MGST1: variants seen among roughly 807,000 people sequenced by gnomAD.
MGST1 encodes the protein microsomal glutathione S-transferase 1.
A neutral mutation model predicts 8.9 loss-of-function variants in MGST1; 5 were observed. The observed-to-expected ratio is 0.56, with a 90% CI of 0.29 to 1.19. The LOEUF (loss-of-function observed/expected upper bound fraction) is 1.19, where lower values mean the gene tolerates loss of function less well. Among genes scored for constraint, MGST1 ranks in the 50% most tolerant of loss-of-function variants. MGST1 has a pLI of 0.08. For missense variants in MGST1, 182 were observed against 187.4 expected, an observed-to-expected ratio of 0.97 and a Z score of 0.17; for synonymous variants, 54 against 67.8, an observed-to-expected ratio of 0.80 and a Z score of 1.00.
At chr12:16,431,891 A>G (rs1940942345) in intron 1 of MGST1, among the ~76,000 whole-genome samples, 1 of 152,182 alleles carries the variant, frequency 6.6e-6, no homozygotes, top group African/African-American at 2.4e-5. Flanking sequence ...AGTGCAATAA[A>G]ACAGGTATAC....
chr12:16,349,900 A>G (rs1465804754), intron 1 of MGST1, among the ~76,000 whole-genome samples: 1 of 151,890 alleles, frequency 6.6e-6, no homozygotes, highest in East Asian at 1.9e-4. Context: ...ACCTGCCACC[A>G]CGCCCAGCTA....
intron 1 of MGST1, among the ~76,000 whole-genome samples, chr12:16,415,566 A>G (rs1477823841): frequency 6.6e-6 from 1 of 152,222 alleles, no homozygotes; most frequent in Admixed American, 6.5e-5. Context: ...GATAGGAAAT[A>G]TATTTTCTCT....
intron 4 of MGST1, among the ~76,000 whole-genome samples, chr12:16,469,131 T>G (rs1298185774): frequency 6.6e-6 from 1 of 151,844 alleles, no homozygotes; most frequent in Non-Finnish European, 1.5e-5. Flanking sequence ...TTGTTACTGC[T>G]GCTGGGCTAG....
rs189022787 is a variant in MGST1, at chr12:16,522,018, C to T, written n.483-67510C>T. ...AGCTCCGACTTCTGAACATTTTTCCCCAATTATTTTTGTAAAGTATTGATC... is the reference window on the plus strand; with the variant it reads ...AGCTCCGACTTCTGAACATTTTTCCTCAATTATTTTTGTAAAGTATTGATC... On this transcript the variant is annotated intron_variant and non_coding_transcript_variant, in intron 4 of 4. Transcript: ENST00000538857. Among the ~76,000 whole-genome samples, 87 of 152,184 alleles carry T rather than the reference C, an allele frequency of 5.7e-4. 1 individual carries two copies. The highest frequency in any genetic ancestry group is 3.4e-3 in the Middle Eastern group (1 of 294).
downstream of MGST1, among the ~76,000 whole-genome samples, chr12:16,378,489 C>G (rs954138673): frequency 7.9e-5 from 12 of 152,232 alleles, no homozygotes; most frequent in Admixed American, 7.8e-4. Context: ...GGGCTCTGTT[C>G]TGTTCCATTG....
At chr12:16,573,020 T>G (rs923353097) in intron 4 of MGST1, among the ~76,000 whole-genome samples, 1 of 151,972 alleles carries the variant, frequency 6.6e-6, no homozygotes, top group African/African-American at 2.4e-5. Context: ...TCTTAAAATT[T>G]TCCTGTTTTT....
At chr12:16,446,402 ACC>A (rs1941079917) in intron 4 of MGST1, among the ~76,000 whole-genome samples, 1 of 151,904 alleles carries the variant, frequency 6.6e-6, no homozygotes, top group Admixed American at 6.6e-5. Flanking sequence ...TGGAGAAATG[ACC>A]ATGACTTTTT....
chr12:16,518,007 T>G (rs1468142819), intron 4 of MGST1, among the ~76,000 whole-genome samples: 1 of 152,232 alleles, frequency 6.6e-6, no homozygotes, highest in Non-Finnish European at 1.5e-5. Flanking sequence ...GTGGTCACAC[T>G]GAGGTCTTCA....
intron 1 of MGST1, among the ~76,000 whole-genome samples, chr12:16,428,997 C>T (rs1940916661): frequency 6.6e-6 from 1 of 151,938 alleles, no homozygotes; most frequent in Non-Finnish European, 1.5e-5. Context: ...AGTTCCACAT[C>T]GTTGTGTACA....
At chr12:16,504,513 C>T (rs1941524591) in intron 4 of MGST1, among the ~76,000 whole-genome samples, 1 of 152,056 alleles carries the variant, frequency 6.6e-6, no homozygotes, top group African/African-American at 2.4e-5. Flanking sequence ...TTCCAGTAAA[C>T]TTCTACCCTT....
At chr12:16,502,984 G>A (rs1366192931) in intron 4 of MGST1, among the ~76,000 whole-genome samples, 3 of 152,174 alleles carry the variant, frequency 2.0e-5, no homozygotes, top group Admixed American at 6.5e-5. Context: ...AACCACTGGT[G>A]TTAGCTCTAG....
At chr12:16,408,482 C>A (rs539105863) in intron 1 of MGST1, among the ~76,000 whole-genome samples, 1 of 152,258 alleles carries the variant, frequency 6.6e-6, no homozygotes, top group East Asian at 1.9e-4. Flanking sequence ...AACTAGTATT[C>A]TATTATCTTC....
At chr12:16,493,975 C>T (rs1247215228) in intron 4 of MGST1, among the ~76,000 whole-genome samples, 1 of 152,122 alleles carries the variant, frequency 6.6e-6, no homozygotes, top group African/African-American at 2.4e-5. Context: ...CTAAATATCT[C>T]TGCCTTTGAT....
rs140081533 is a variant in MGST1 at position 16,357,082 on chromosome 12, T to G, written c.127-523T>G. On this transcript the variant is annotated intron_variant, in intron 2 of 3. Transcript: ENST00000396210. ...TGGTTTTTGTTCAAGTTCTTATTTA[T>G]GCTTCTCTTTTTACAACTTTGCATT... Among the ~76,000 whole-genome samples, 343 of 152,366 alleles carry G rather than the reference T, an allele frequency of 2.3e-3. 1 individual carries two copies. The highest frequency in any genetic ancestry group is 7.9e-3 in the African/African-American group (328 of 41,578).
At chr12:16,464,829 C>A (rs1037405302) in intron 4 of MGST1, among the ~76,000 whole-genome samples, 3 of 152,188 alleles carry the variant, frequency 2.0e-5, no homozygotes, top group African/African-American at 4.8e-5. Flanking sequence ...ATGTAACAAG[C>A]TTAAATAAAT....
rs1941838698 is a variant in MGST1, at chr12:16,547,423, TTGAGA to T, written n.483-42103_483-42099del. ...ATAATTCTCTGAACACATTGATTACTTGAGATATTTTCTGGGGCTTTCATATCAAT... is the reference window on the plus strand; with the variant it reads ...ATAATTCTCTGAACACATTGATTACTTATTTTCTGGGGCTTTCATATCAAT... On this transcript the variant is annotated intron_variant and non_coding_transcript_variant, in intron 4 of 4. Transcript: ENST00000538857. The surrounding 1 kb of genome is among the most constrained non-coding windows in gnomAD (Gnocchi z 4.6). Among the ~76,000 whole-genome samples the T allele has an allele frequency of 6.6e-6, 1 of 152,204 alleles. No individual in the cohort carries two copies. Among genetic ancestry groups the T allele is most frequent in the African/African-American group, 2.4e-5 (1 of 41,460 alleles).
At chr12:16,567,197 A>AAAACAAAC (rs145977478) in intron 4 of MGST1, among the ~76,000 whole-genome samples, 4 of 151,330 alleles carry the variant, frequency 2.6e-5, no homozygotes, top group African/African-American at 7.3e-5. Flanking sequence ...ACTCCACCTC[A>AAAACAAAC]AAACAAACAA....
Position 16,548,724 on chromosome 12 carries a change from G to A in MGST1, n.483-40804G>A, listed in dbSNP as rs1302707603. On this transcript the variant is annotated intron_variant and non_coding_transcript_variant, in intron 4 of 4. Transcript: ENST00000538857. This position sits in a 1 kb window ranked among gnomAD's most constrained non-coding sequence, Gnocchi z 4.2. The stretch of plus-strand genomic sequence containing the variant: ...TCAAGACAATTAGCTTAGTACTTCA[G>A]GTCAATAAATGCTACAATTTATGGG... 1.3e-5 allele frequency: 2 copies of A among 152,088 alleles called. No individual in the cohort carries two copies. The highest frequency in any genetic ancestry group is 1.9e-4 in the East Asian group (1 of 5,192). The allele number at this position is 152,088 out of a possible 1,614,324, so 9.4% of individuals were successfully genotyped here. A position where few individuals can be genotyped will look rare whatever the true frequency, so the allele number is the denominator to read the frequency against.
chr12:16,514,063 G>T, intron 4 of MGST1: 2 of 384,102 alleles, frequency 5.2e-6, no homozygotes, highest in South Asian at 5.0e-5. Flanking sequence ...GCAGCAGAAG[G>T]AAATAGCAAC....
Sources: allele counts gnomAD v4.1 joint callset (sites outside exome capture counted in the v4.1 genomes callset), GRCh38; gene constraint gnomAD v4.1.1; non-coding constraint Gnocchi (gnomAD v3.1); transcripts MANE v1.5; gene names NCBI Gene and HGNC (gene_info 2026-07-23, HGNC 2026-07-21).